The following DEFB121 variants were observed in gnomAD, a reference collection of about 807,000 sequenced individuals.
DEFB121 encodes the protein beta-defensin 121.
A neutral mutation model predicts 2.5 loss-of-function variants in DEFB121; 5 were observed. The ratio of observed to expected loss-of-function variants is 1.96; its 90% CI spans 1.03 to 4.13. DEFB121 has a LOEUF of 4.13. Ranked by LOEUF, DEFB121 falls within the 30% of genes most tolerant of loss-of-function variation. DEFB121 has a pLI of 0.00. For missense variants in DEFB121, 87 were observed against 85.0 expected, an observed-to-expected ratio of 1.02 and a Z score of -0.09; for synonymous variants, 39 against 32.6, an observed-to-expected ratio of 1.20 and a Z score of -0.67.
chr20:31,413,478 T>G (rs1256074144), upstream of DEFB121, among the ~76,000 whole-genome samples: 1 of 152,304 alleles, frequency 6.6e-6, no homozygotes, highest in African/African-American at 2.4e-5. Context: ...TCTTGGTGGC[T>G]TCTAAGAACA....
At chr20:31,406,679 T>C (rs564028771), upstream of DEFB121, among the ~76,000 whole-genome samples, 6 of 152,318 alleles carry the variant, frequency 3.9e-5, no homozygotes, top group South Asian at 2.1e-4. Flanking sequence ...TCAGTATTCA[T>C]GGAGTGGAAT....
chr20:31,409,325 A>G (rs185973192), upstream of DEFB121, among the ~76,000 whole-genome samples: 1 of 152,346 alleles, frequency 6.6e-6, no homozygotes, highest in East Asian at 1.9e-4. Context: ...AACTTTATTC[A>G]CCATAAGTGA....
At chr20:31,418,284 A>G in the DEFB121 span, among the ~76,000 whole-genome samples, 1 of 149,070 alleles carries the variant, frequency 6.7e-6, no homozygotes, top group Non-Finnish European at 1.5e-5. Flanking sequence ...AAAAAAAAAG[A>G]AAAAAGGGAA....
At chr20:31,415,625 A>G (rs1189407561), upstream of DEFB121, among the ~76,000 whole-genome samples, 1 of 148,118 alleles carries the variant, frequency 6.8e-6, no homozygotes, top group Non-Finnish European at 1.5e-5. Flanking sequence ...AAATACTGCA[A>G]AGTAGGCTGT....
At chr20:31,410,248 C>T (rs1011725439), upstream of DEFB121, among the ~76,000 whole-genome samples, 9 of 152,162 alleles carry the variant, frequency 5.9e-5, no homozygotes, top group African/African-American at 1.7e-4. Context: ...CCTAAGCCAA[C>T]TGATGCAGAA....
chr20:31,412,523 T>C, intron 1 of DEFB121: 1 of 868,618 alleles, frequency 1.2e-6, no homozygotes, highest in Non-Finnish European at 1.6e-6. Context: ...GCTGTGAAGA[T>C]TAAATTAGGT....
chr20:31,406,237 T>C, upstream of DEFB121: 2 of 1,581,342 alleles, frequency 1.3e-6, no homozygotes, highest in Non-Finnish European at 1.7e-6. Context: ...TCCAGACTGG[T>C]ATTTATTGCC....
upstream of DEFB121, among the ~76,000 whole-genome samples, chr20:31,415,287 TC>T (rs1323847390): frequency 2.7e-5 from 4 of 150,366 alleles, no homozygotes; most frequent in Admixed American, 6.6e-5. Context: ...TCTCGCTCTA[TC>T]CCCCAGGCTG....
At chr20:31,407,385 A>G (rs769702951), upstream of DEFB121, among the ~76,000 whole-genome samples, 8 of 152,120 alleles carry the variant, frequency 5.3e-5, no homozygotes, top group Non-Finnish European at 1.2e-4. Context: ...TTGGCATGTG[A>G]TTTGCTTTGG....
chr20:31,412,184 G>A (rs566889856), intron 1 of DEFB121, among the ~76,000 whole-genome samples: 3 of 152,324 alleles, frequency 2.0e-5, no homozygotes, highest in African/African-American at 7.2e-5. Flanking sequence ...CAAAGAAGAT[G>A]AAACTTCAGG....
exon 1 of DEFB121, chr20:31,412,627 T>C (rs1978695362): frequency 3.9e-6 from 5 of 1,290,852 alleles, no homozygotes; most frequent in Admixed American, 2.3e-5. Context: ...CTCACCTTCC[T>C]TGACTTCTTG....
the DEFB121 span, among the ~76,000 whole-genome samples, chr20:31,418,067 C>T: frequency 6.7e-6 from 1 of 149,608 alleles, no homozygotes; most frequent in Non-Finnish European, 1.5e-5. Context: ...GAGACCATCC[C>T]GGCTAAAACG....
exon 1 of DEFB121, chr20:31,412,746 A>T (rs1978699500): frequency 8.9e-7 from 1 of 1,125,144 alleles, no homozygotes; most frequent in South Asian, 1.3e-5. Context: ...TAGCTCAGAG[A>T]TCTCTCTGCT....
upstream of DEFB121, among the ~76,000 whole-genome samples, chr20:31,408,655 C>G (rs58581874): frequency 1.4e-3 from 209 of 152,238 alleles, no homozygotes; most frequent in African/African-American, 4.7e-3. Context: ...TCCAATAAAA[C>G]TTATTTATAG....
chr20:31,416,802 C>T (rs1307242530), upstream of DEFB121, among the ~76,000 whole-genome samples: 2 of 152,180 alleles, frequency 1.3e-5, no homozygotes, highest in Admixed American at 6.5e-5. Context: ...CCACGTTAAG[C>T]GCTTGAAGAC....
At chr20:31,411,324 A>T (rs185632982) in intron 1 of DEFB121, among the ~76,000 whole-genome samples, 1 of 152,088 alleles carries the variant, frequency 6.6e-6, no homozygotes, top group African/African-American at 2.4e-5. Context: ...TGTTGCCAAG[A>T]CTCCCATTTC....
chr20:31,416,690 G>A (rs546884853), upstream of DEFB121, among the ~76,000 whole-genome samples: 4 of 152,246 alleles, frequency 2.6e-5, no homozygotes, highest in African/African-American at 9.6e-5. Context: ...TAATTTTTAG[G>A]AGATTATATC....
At chr20:31,411,555 A>C (rs17090943) in intron 1 of DEFB121, among the ~76,000 whole-genome samples, 3,004 of 148,770 alleles carry the variant, frequency 0.02, 70 homozygotes, top group African/African-American at 0.058. Context: ...AAAAGAATGT[A>C]TGAACGCAGA....
At chr20:31,415,648 A>AT (rs1568741567), upstream of DEFB121, among the ~76,000 whole-genome samples, 5 of 151,246 alleles carry the variant, frequency 3.3e-5, no homozygotes, top group African/African-American at 1.2e-4. Flanking sequence ...AATCAAAATA[A>AT]ATATATATAT....
Sources: allele counts gnomAD v4.1 joint callset (sites outside exome capture counted in the v4.1 genomes callset), GRCh38; gene constraint gnomAD v4.1.1; transcripts MANE v1.5; gene names NCBI Gene and HGNC (gene_info 2026-07-23, HGNC 2026-07-21).